BCAS1: variants seen among roughly 807,000 people sequenced by gnomAD.
BCAS1 encodes brain enriched myelin associated protein 1, also known as breast carcinoma-amplified sequence 1.
Under a neutral mutation model 65.4 loss-of-function variants are expected in BCAS1, and 46 were observed. That is an observed-to-expected ratio of 0.70 (90% CI 0.55 to 0.90). BCAS1 has a LOEUF of 0.90. Among genes scored for constraint, BCAS1 ranks in the 40% least tolerant of loss-of-function variants. The pLI, the probability that BCAS1 is intolerant of heterozygous loss-of-function variation, is 0.00. For missense variants in BCAS1, 793 were observed against 771.2 expected (o/e 1.03, Z -0.33); for synonymous variants, 298 against 293.5 (o/e 1.02, Z -0.16).
chr20:53,960,002 GC>G (rs2089825940), intron 10 of BCAS1, among the ~76,000 whole-genome samples: 1 of 152,174 alleles, frequency 6.6e-6, no homozygotes, highest in Admixed American at 6.5e-5. Flanking sequence ...ATTTCATTCA[GC>G]CTCCAAATTC....
At chr20:54,011,507 A>T (rs1211492918) in intron 4 of BCAS1, among the ~76,000 whole-genome samples, 1 of 152,222 alleles carries the variant, frequency 6.6e-6, no homozygotes, top group Non-Finnish European at 1.5e-5. Context: ...CTCATTAACC[A>T]TTAGAAAAGT....
chr20:54,028,302 C>A (rs770367116), intron 4 of BCAS1, 90 bp downstream of exon 4: 1 of 1,386,326 alleles, frequency 7.2e-7, no homozygotes, highest in South Asian at 1.2e-5. Context: ...TGCCTAGGCC[C>A]AGGGTGACTG....
intron 12 of BCAS1, among the ~76,000 whole-genome samples, chr20:53,945,537 A>G (rs961861329): frequency 5.9e-5 from 9 of 152,108 alleles, no homozygotes; most frequent in African/African-American, 2.2e-4. Flanking sequence ...ATATCTCCTA[A>G]TGCTATCCTT....
At chr20:53,956,661 CAAA>C (rs143693739) in intron 11 of BCAS1, among the ~76,000 whole-genome samples, 4 of 131,160 alleles carry the variant, frequency 3.0e-5, no homozygotes, top group Non-Finnish European at 3.3e-5. Context: ...AGTCACACAG[CAAA>C]AAAAAAAAAA....
chr20:53,969,813 G>A (rs73137794), intron 9 of BCAS1, among the ~76,000 whole-genome samples: 1,715 of 152,306 alleles, frequency 0.011, 11 homozygotes, highest in Middle Eastern at 0.044. Flanking sequence ...CACAGCCAAA[G>A]ACTTGCACCA....
At chr20:53,992,396 T>C in intron 7 of BCAS1, 116 bp downstream of exon 7, 2 of 805,526 alleles carry the variant, frequency 2.5e-6, no homozygotes, top group Non-Finnish European at 3.5e-6. Flanking sequence ...CTTTTAATGA[T>C]CCCCACCACC....
At position 54,067,578 on chromosome 20, in the gene BCAS1, C is replaced by A. The variant is rs149405164; in HGVS notation, c.-6+2855G>T. ...CATGAGTGAATTGGCCTCCTGGAAG[C>A]TGCCCTCAAATCCCTCCTCTTTTAC... On this transcript the variant is annotated intron_variant, in intron 1 of 12. Coordinates refer to ENST00000688948, the MANE Select transcript of BCAS1 (RefSeq NM_001366298.2). Among the ~76,000 whole-genome samples the A allele has an allele frequency of 2.6e-3, 392 of 152,272 alleles. 3 individuals carry two copies. The highest frequency in any genetic ancestry group is 9.1e-3 in the African/African-American group (380 of 41,538).
chr20:54,059,287 A>G (rs76540741), intron 1 of BCAS1, among the ~76,000 whole-genome samples: 2,080 of 152,340 alleles, frequency 0.014, 50 homozygotes, highest in African/African-American at 0.048. Flanking sequence ...AGTTAAATGC[A>G]GTCATAATTT....
At chr20:54,007,424 CT>C (rs1279801601) in intron 4 of BCAS1, among the ~76,000 whole-genome samples, 1 of 152,194 alleles carries the variant, frequency 6.6e-6, no homozygotes, top group African/African-American at 2.4e-5. Context: ...GCTGTGAGTA[CT>C]TCCGTAACCT....
At chr20:53,945,172 G>A (rs1475605982) in intron 12 of BCAS1, among the ~76,000 whole-genome samples, 176 bp from the exon 13 acceptor site, 1 of 152,180 alleles carries the variant, frequency 6.6e-6, no homozygotes, top group African/African-American at 2.4e-5. Flanking sequence ...TCGATACCCA[G>A]TTACATGACT....
chr20:54,027,369 G>T (rs144190588), intron 4 of BCAS1, among the ~76,000 whole-genome samples: 2 of 152,084 alleles, frequency 1.3e-5, no homozygotes, highest in Non-Finnish European at 2.9e-5. Context: ...AATAATTTAC[G>T]TACAGTGCTC....
Position 54,028,910 on chromosome 20 carries a change from T to C in BCAS1, c.205A>G (p.Ile69Val). ...CCGTTGGCATCCGCAACAGCACTTA[T>C]CTCCGTTGTCTCGGGGGAAGAAGTG... ...VATSSPETTE[I>V]SAVADANGKN... Residue 69 changes from isoleucine to valine, a missense_variant, in exon 4 of 13, where the codon ATA (isoleucine) becomes GTA (valine). Coordinates refer to ENST00000688948, the MANE Select transcript of BCAS1 (RefSeq NM_001366298.2). 6 of 1,614,036 alleles carry C rather than the reference T, an allele frequency of 3.7e-6. No homozygotes were observed. The highest frequency in any genetic ancestry group is 4.2e-6 in the Non-Finnish European group (5 of 1,180,008).
intron 12 of BCAS1, among the ~76,000 whole-genome samples, chr20:53,949,959 C>T (rs1336046173): frequency 2.0e-5 from 3 of 152,212 alleles, no homozygotes; most frequent in Non-Finnish European, 2.9e-5. Context: ...CCAGGCCAAT[C>T]TCCATCAGCT....
chr20:54,001,273 C>A (rs2091048490), intron 4 of BCAS1, among the ~76,000 whole-genome samples: 1 of 152,208 alleles, frequency 6.6e-6, no homozygotes, highest in South Asian at 2.1e-4. Flanking sequence ...CTTGTTCATT[C>A]CTGGGGGTAG....
chr20:53,949,083 A>C (rs1240960892), intron 12 of BCAS1, among the ~76,000 whole-genome samples: 1 of 152,176 alleles, frequency 6.6e-6, no homozygotes, highest in Non-Finnish European at 1.5e-5. Flanking sequence ...GGAAAGGGGA[A>C]GGCTGGGAAA....
At chr20:54,014,873 C>A (rs115545282) in intron 4 of BCAS1, among the ~76,000 whole-genome samples, 1 of 152,106 alleles carries the variant, frequency 6.6e-6, no homozygotes, top group Non-Finnish European at 1.5e-5. Flanking sequence ...CTGTCACCTG[C>A]GTGTAGCCAT....
At chr20:53,998,153 C>A (rs146860627) in intron 4 of BCAS1, among the ~76,000 whole-genome samples, 1 of 152,116 alleles carries the variant, frequency 6.6e-6, no homozygotes, top group Non-Finnish European at 1.5e-5. Flanking sequence ...TGCATTTAGA[C>A]TCCTGGATTT....
intron 6 of BCAS1, among the ~76,000 whole-genome samples, chr20:53,994,277 A>G (rs2090843446): frequency 6.6e-6 from 1 of 152,230 alleles, no homozygotes; most frequent in African/African-American, 2.4e-5. Flanking sequence ...TTCCCGTGAA[A>G]CTTAAACCGT....
chr20:54,068,103 G>A (rs2092467277), intron 1 of BCAS1, among the ~76,000 whole-genome samples: 1 of 152,178 alleles, frequency 6.6e-6, no homozygotes, highest in African/African-American at 2.4e-5. Context: ...GGGGACACAG[G>A]GAACTGAAAT....
Sources: allele counts gnomAD v4.1 joint callset (sites outside exome capture counted in the v4.1 genomes callset), GRCh38; gene constraint gnomAD v4.1.1; transcripts MANE v1.5; gene names NCBI Gene and HGNC (gene_info 2026-07-23, HGNC 2026-07-21).